The following GAD2 variants were observed in gnomAD, a reference collection of about 807,000 sequenced individuals.
The protein encoded by GAD2 is 65 kDa glutamic acid decarboxylase.
GAD2 carries 22 observed loss-of-function variants against 80.1 expected under a neutral mutation model. The observed-to-expected ratio is 0.27, with a 90% CI of 0.20 to 0.39. GAD2 has a LOEUF of 0.39. Among genes scored for constraint, GAD2 ranks in the 10% least tolerant of loss-of-function variants. GAD2 has a pLI of 1.00. For missense variants in GAD2, 624 were observed against 738.4 expected (o/e 0.85, Z 1.80); for synonymous variants, 274 against 256.9 (o/e 1.07, Z -0.64).
At chr10:26,225,362 T>A (rs1449717672) in intron 6 of GAD2, among the ~76,000 whole-genome samples, 2 of 152,206 alleles carry the variant, frequency 1.3e-5, no homozygotes, top group East Asian at 3.8e-4. Flanking sequence ...TGGTTTACAG[T>A]TCTGTGTGTG....
In GAD2 at chr10:26,300,952, A is replaced by T; in HGVS notation, c.1749A>T (p.Gln583His). Residue 583 changes from glutamine (Q) to histidine (H), a missense_variant, in exon 16 of 16, where the codon CAA (glutamine) becomes CAT (histidine). By Grantham distance (24) the Gln-to-His change is conservative. Coordinates refer to ENST00000376261, the MANE Select transcript of GAD2 (RefSeq NM_001134366.2). Reference sequence around the variant, plus strand: ...TTGAAGAAATAGAACGCCTTGGACAAGATTTATAATAACCTTGCTCACCAA... The same window carrying T: ...TTGAAGAAATAGAACGCCTTGGACATGATTTATAATAACCTTGCTCACCAA... ...FLIEEIERLG[Q>H]DL 6.2e-7 allele frequency: 1 copy of T among 1,613,620 alleles called. No homozygotes were observed.
intron 13 of GAD2, among the ~76,000 whole-genome samples, chr10:26,289,520 G>A (rs192992124): frequency 1.3e-5 from 2 of 151,940 alleles, no homozygotes; most frequent in Non-Finnish European, 2.9e-5. Flanking sequence ...AACTTGATTA[G>A]AACCAATTTA....
At chr10:26,227,826 G>A (rs1370415119) in intron 6 of GAD2, among the ~76,000 whole-genome samples, 1 of 152,198 alleles carries the variant, frequency 6.6e-6, no homozygotes, top group African/African-American at 2.4e-5. Flanking sequence ...TTTCACACCG[G>A]GTGTCTGCTC....
At chr10:26,254,186 G>A (rs1023727268) in intron 8 of GAD2, among the ~76,000 whole-genome samples, 4 of 152,136 alleles carry the variant, frequency 2.6e-5, no homozygotes, top group Admixed American at 1.3e-4. Context: ...ACAGGCTCAC[G>A]CCAGCACGCC....
rs1589135811 is a variant in GAD2, at chr10:26,219,375, T to C, written c.520+99T>C. On this transcript the variant is annotated intron_variant, in intron 4 of 15. Transcript: ENST00000376261. ...TTTGTTTGATGGAGTTACTGATATTTTCAAAATTGCAAAGTTATTTTCATC... is the reference window on the plus strand; with the variant it reads ...TTTGTTTGATGGAGTTACTGATATTCTCAAAATTGCAAAGTTATTTTCATC... 5.2e-6 allele frequency: 4 copies of C among 766,614 alleles called. No homozygotes were observed. In the East Asian group the frequency reaches 8.4e-5, roughly 16 times the overall value. 47.5% of individuals were successfully genotyped at this position (766,614 alleles called of 1,614,324 possible).
In GAD2 at chr10:26,303,468, G is replaced by GAGGGAGGA. The variant is rs1174784583; in HGVS notation, c.*2508_*2509insGGGAGGAA. 3 of 121,444 alleles carry GAGGGAGGA rather than the reference G, an allele frequency of 2.5e-5. No homozygotes were observed. The highest frequency in any genetic ancestry group is 8.8e-5 in the Admixed American group (1 of 11,318). The allele number at this position is 121,444 out of a possible 1,614,324, so 7.5% of individuals were successfully genotyped here. A position where few individuals can be genotyped will look rare whatever the true frequency, so the allele number is the denominator to read the frequency against. The stretch of plus-strand genomic sequence containing the variant: ...GAAGGGAGGGAGGGAGGGAGGGAGG[G>GAGGGAGGA]AAGGAGGGAGGGAGGAAGGAAATGA... On this transcript the variant is annotated 3_prime_UTR_variant, in exon 16 of 16. Coordinates refer to ENST00000376261, the MANE Select transcript of GAD2 (RefSeq NM_001134366.2).
At chr10:26,260,656 A>G (rs1045554555) in intron 8 of GAD2, among the ~76,000 whole-genome samples, 2 of 152,114 alleles carry the variant, frequency 1.3e-5, no homozygotes, top group African/African-American at 4.8e-5. Context: ...TTCCAGACGT[A>G]GAATTTCTGA....
intron 3 of GAD2, 46 bp downstream of exon 3, chr10:26,218,037 T>G: frequency 6.5e-7 from 1 of 1,527,104 alleles, no homozygotes; most frequent in Non-Finnish European, 8.8e-7. Flanking sequence ...CCCCTCTCTC[T>G]GCCCCGCCCA....
At chr10:26,248,031 A>C (rs541582708) in intron 8 of GAD2, among the ~76,000 whole-genome samples, 1 of 152,210 alleles carries the variant, frequency 6.6e-6, no homozygotes, top group South Asian at 2.1e-4. Flanking sequence ...ACAGGTTTGC[A>C]GCAGGAGAAA....
At chr10:26,282,316 A>C (rs1010922184) in intron 12 of GAD2, among the ~76,000 whole-genome samples, 3 of 152,214 alleles carry the variant, frequency 2.0e-5, no homozygotes, top group Non-Finnish European at 4.4e-5. Flanking sequence ...TATTTTAGAA[A>C]GTTGAGGCAG....
chr10:26,244,302 C>G (rs1194384016), intron 7 of GAD2, among the ~76,000 whole-genome samples: 6 of 151,872 alleles, frequency 4.0e-5, no homozygotes, highest in Non-Finnish European at 8.8e-5. Context: ...AATGGTACCG[C>G]CATGATGGAG....
rs1398620989 is a variant in GAD2, at chr10:26,237,615, G to A, written c.840+7838G>A. Among the ~76,000 whole-genome samples, 5 of 152,102 alleles carry A rather than the reference G, an allele frequency of 3.3e-5. No homozygotes were observed. In the South Asian group the frequency reaches 1.0e-3, roughly 32 times the overall value. On this transcript the variant is annotated intron_variant, in intron 7 of 15. Transcript: ENST00000376261. ...GTGCCCTTCCTCCCAAAGTGCCAAA[G>A]CAACACTCAAGGATCCACAGCCTTG...
intron 11 of GAD2, among the ~76,000 whole-genome samples, chr10:26,280,609 G>A (rs1032088784): frequency 5.9e-5 from 9 of 152,208 alleles, no homozygotes; most frequent in African/African-American, 9.6e-5. Context: ...CCCGTAAGCC[G>A]TTCCCAGCTT....
chr10:26,236,685 AC>A (rs1476011100), intron 7 of GAD2, among the ~76,000 whole-genome samples: 7 of 152,098 alleles, frequency 4.6e-5, no homozygotes, highest in African/African-American at 1.7e-4. Flanking sequence ...TTAAACAGTG[AC>A]CTGTTTGGAA....
At chr10:26,294,940 C>A (rs1834256740) in intron 15 of GAD2, among the ~76,000 whole-genome samples, 1 of 152,186 alleles carries the variant, frequency 6.6e-6, no homozygotes, top group Non-Finnish European at 1.5e-5. Flanking sequence ...TAGATGCCTC[C>A]ATTCTTTTTG....
At chr10:26,283,912 C>G (rs1265624543) in intron 12 of GAD2, among the ~76,000 whole-genome samples, 1 of 152,104 alleles carries the variant, frequency 6.6e-6, no homozygotes, top group Non-Finnish European at 1.5e-5. Context: ...TTAGTAACAC[C>G]AGGTGGTAGA....
intron 7 of GAD2, among the ~76,000 whole-genome samples, chr10:26,245,384 A>T (rs887568259): frequency 5.1e-5 from 7 of 136,560 alleles, no homozygotes; most frequent in Admixed American, 1.4e-4. Context: ...AAATAAAAAT[A>T]AAAAAAAAAT....
chr10:26,270,738 G>C lies in GAD2; in HGVS notation c.1074G>C (p.Lys358Asn). The C allele has an allele frequency of 1.2e-6, 2 of 1,611,072 alleles. No homozygotes were observed. ...TCGCTGACATTTGCAAAAAGTATAA[G>C]ATCTGGATGCATGTGGATGTAAGTA... is the stretch of plus-strand genomic sequence containing the variant. ...LAVADICKKY[K>N]IWMHVDAAWG... The change falls in exon 10 of 16, where the codon AAG becomes AAC. Residue 358 changes from lysine to asparagine, a missense_variant. Physicochemically the swap from Lys to Asn is moderately conservative, Grantham distance 94. Transcript: ENST00000376261.
At chr10:26,219,670 C>T (rs1051134323) in intron 4 of GAD2, among the ~76,000 whole-genome samples, 7 of 152,188 alleles carry the variant, frequency 4.6e-5, no homozygotes, top group Admixed American at 4.6e-4. Context: ...GCCCGAATAC[C>T]AGTGCTGTGC....
Sources: gnomAD v4.1 joint callset for allele counts (sites outside exome capture counted in the v4.1 genomes callset) on GRCh38, gnomAD v4.1.1 for gene constraint, MANE v1.5 for transcripts, NCBI Gene and HGNC (gene_info 2026-07-23, HGNC 2026-07-21) for gene names.